The following AARS1 variants were observed in gnomAD, a reference collection of about 807,000 sequenced individuals.
AARS1 encodes alanyl-tRNA synthetase 1.
Under a neutral mutation model 108.9 loss-of-function variants are expected in AARS1, and 72 were observed. The observed-to-expected ratio is 0.66, with a 90% CI of 0.55 to 0.80. The LOEUF is 0.80. AARS1 is among the 30% of genes least tolerant of loss of function. The pLI, the probability that AARS1 is intolerant of heterozygous loss-of-function variation, is 0.00. For missense variants in AARS1, 1,193 were observed against 1,233.2 expected (o/e 0.97, Z 0.49); for synonymous variants, 489 against 465.7 (o/e 1.05, Z -0.64).
At chr16:70,281,935 A>G (rs1960705770) in intron 2 of AARS1, among the ~76,000 whole-genome samples, 1 of 152,050 alleles carries the variant, frequency 6.6e-6, no homozygotes, top group Non-Finnish European at 1.5e-5. Flanking sequence ...ATGGATCACA[A>G]GGTCAGGAGA....
chr16:70,262,093 G>A (rs903848527), intron 12 of AARS1, among the ~76,000 whole-genome samples: 8 of 152,172 alleles, frequency 5.3e-5, no homozygotes, highest in Admixed American at 6.5e-5. Context: ...TCAGAGAGCT[G>A]CCTCTCCTTT....
chr16:70,278,204 C>T (rs1009346266), intron 2 of AARS1, among the ~76,000 whole-genome samples: 2 of 151,854 alleles, frequency 1.3e-5, no homozygotes, highest in African/African-American at 4.8e-5. Flanking sequence ...CATAAGGAGA[C>T]CCCTTCTCTA....
intron 7 of AARS1, among the ~76,000 whole-genome samples, 174 bp from the exon 8 acceptor site, chr16:70,268,553 C>CAAGGTACCCTAGGGT (rs1165314979): frequency 6.6e-6 from 1 of 152,196 alleles, no homozygotes; most frequent in African/African-American, 2.4e-5. Context: ...AACATACCCA[C>CAAGGTACCCTAGGGT]AAATACCCGT....
At position 70,254,051 on chromosome 16, in the gene AARS1, G is replaced by C; in HGVS notation, c.2401-13C>G. ...CAGTGGCCAGGGCCTGGAACCAATA[G>C]ACGACCATCTCAATCTGGGCCACAA... On this transcript the variant is annotated splice_polypyrimidine_tract_variant and intron_variant, in intron 17 of 20. Transcript: ENST00000261772. The C allele has an allele frequency of 6.2e-7, 1 of 1,613,724 alleles. No individual in the cohort carries two copies. The highest frequency in any genetic ancestry group is 8.5e-7 in the Non-Finnish European group (1 of 1,180,026).
intron 14 of AARS1, 102 bp from the exon 15 acceptor site, chr16:70,258,319 C>A: frequency 3.0e-6 from 4 of 1,325,370 alleles, no homozygotes; most frequent in Non-Finnish European, 4.2e-6. Context: ...CGGGTTCCAA[C>A]CTGGCTTGGC....
chr16:70,283,682 A>G (rs1398236655), intron 1 of AARS1, among the ~76,000 whole-genome samples: 1 of 152,206 alleles, frequency 6.6e-6, no homozygotes, highest in African/African-American at 2.4e-5. Context: ...GGCGGCTGTC[A>G]GCAGCAATAG....
At chr16:70,278,897 T>C (rs117108016) in intron 2 of AARS1, among the ~76,000 whole-genome samples, 1 of 152,230 alleles carries the variant, frequency 6.6e-6, no homozygotes, top group East Asian at 1.9e-4. Flanking sequence ...CACTGGCACT[T>C]ACCGACTATG....
At chr16:70,260,571 T>C (rs74024183) in intron 13 of AARS1, among the ~76,000 whole-genome samples, 13,230 of 152,192 alleles carry the variant, frequency 0.087, 1,887 homozygotes, top group African/African-American at 0.3. Context: ...TGGGAACATA[T>C]AGATTAACTC....
In AARS1 at chr16:70,265,031, G is replaced by T; in HGVS notation, c.1419C>A (p.Leu473=). The change falls in exon 11 of 21, where the codon CTC becomes CTA. Residue 473 remains leucine (L), a synonymous_variant. Coordinates refer to ENST00000261772, the MANE Select transcript of AARS1 (RefSeq NM_001605.3). ...CTGTGACCTCCAGACCCCGTGCCCG[G>T]AGCTCTTCGATAGCGTAAATGTCCA... The part of the protein sequence containing the change: ...IMLDIYAIEE[L]RARGLEVTDD... 6.2e-7 allele frequency: 1 copy of T among 1,614,144 alleles called. No individual in the cohort carries two copies. The highest frequency in any genetic ancestry group is 1.1e-5 in the South Asian group (1 of 91,080).
Position 70,255,835 on chromosome 16 carries a change from GC to G in AARS1, c.2178del (p.His727ThrfsTer12). The G allele has an allele frequency of 1.9e-6, 3 of 1,612,544 alleles. No homozygotes were observed. The highest frequency in any genetic ancestry group is 2.5e-6 in the Non-Finnish European group (3 of 1,179,272). ...SLTSVEFCGG[T>X]HLRNSSHAGA... is the part of the protein sequence containing the mutation. The stretch of plus-strand genomic sequence containing the variant: ...CCTGCATGACTCGAGTTCCGCAGGT[GC>G]CTGAATGGCAGAACACAAAGTCCAT... On this transcript the variant is annotated frameshift_variant and splice_region_variant, in exon 16 of 21. Coordinates refer to ENST00000261772, the MANE Select transcript of AARS1 (RefSeq NM_001605.3). LOFTEE classifies it high-confidence loss of function.
chr16:70,255,908 G>A (rs1019086132), intron 15 of AARS1, 72 bp from the exon 16 acceptor site: 45 of 1,386,022 alleles, frequency 3.2e-5, no homozygotes, highest in Non-Finnish European at 4.5e-5. Context: ...CACACTAGCG[G>A]ACAAGAGAAG....
At chr16:70,272,012 A>C (rs1442947488) in intron 4 of AARS1, 40 bp from the exon 5 acceptor site, 2 of 1,595,342 alleles carry the variant, frequency 1.3e-6, no homozygotes, top group Non-Finnish European at 1.7e-6. Context: ...ACAGCCCCTG[A>C]CAAGAGTTCT....
Position 70,267,681 on chromosome 16 carries a change from C to A in AARS1, c.1200G>T (p.Leu400=). The part of the protein sequence containing the change: ...RRILDRKIQS[L]GDSKTIPGDT... ...TACCGGGAATGGTCTTGCTGTCTCC[C>A]AGGCTCTGAATTTTCCTGTCCAGGA... Residue 400 remains leucine (L), a synonymous_variant, in exon 9 of 21, where the codon CTG becomes CTT. Coordinates refer to ENST00000261772, the MANE Select transcript of AARS1 (RefSeq NM_001605.3). 6.2e-7 allele frequency: 1 copy of A among 1,614,174 alleles called. No individual in the cohort carries two copies. The highest frequency in any genetic ancestry group is 1.3e-5 in the African/African-American group (1 of 75,046).
At chr16:70,259,528 G>C (rs1250808543) in intron 13 of AARS1, among the ~76,000 whole-genome samples, 1 of 152,108 alleles carries the variant, frequency 6.6e-6, no homozygotes, top group Non-Finnish European at 1.5e-5. Flanking sequence ...TGTCACCCAG[G>C]ATAGAGTACA....
intron 1 of AARS1, among the ~76,000 whole-genome samples, chr16:70,288,825 C>A (rs532562232): frequency 6.6e-6 from 1 of 152,206 alleles, no homozygotes; most frequent in South Asian, 2.1e-4. Flanking sequence ...CCTCGACCTC[C>A]CAAAGCGCTG....
intron 11 of AARS1, among the ~76,000 whole-genome samples, chr16:70,264,492 T>C (rs1483679706): frequency 3.9e-5 from 6 of 151,974 alleles, no homozygotes; most frequent in African/African-American, 1.4e-4. Flanking sequence ...AATTTCCGTA[T>C]TTTTAGTAGA....
chr16:70,255,193 C>CTTTTTTT lies in AARS1; in HGVS notation c.2287-460_2287-459insAAAAAAA, dbSNP rs1567601605. Among the ~76,000 whole-genome samples, 296 of 124,692 alleles carry CTTTTTTT rather than the reference C, an allele frequency of 2.4e-3. 8 individuals are homozygous for CTTTTTTT. The highest frequency in any genetic ancestry group is 9.1e-3 in the African/African-American group (286 of 31,422). 81.8% of individuals were successfully genotyped at this position (124,692 alleles called of 152,430 possible). Reference sequence around the variant, plus strand: ...AGGAGGGGGTAGATGGCCAGATTCACATTTTTTTTTTTTTTTTTTTTTTGG... The same window carrying CTTTTTTT: ...AGGAGGGGGTAGATGGCCAGATTCACTTTTTTTATTTTTTTTTTTTTTTTTTTTTTGG... On this transcript the variant is annotated intron_variant, in intron 16 of 20. Coordinates refer to ENST00000261772, the MANE Select transcript of AARS1 (RefSeq NM_001605.3).
chr16:70,260,320 G>A (rs890646193), intron 13 of AARS1, among the ~76,000 whole-genome samples: 1 of 152,194 alleles, frequency 6.6e-6, no homozygotes, highest in Admixed American at 6.5e-5. Context: ...AGTGACAGGT[G>A]AGGAGAAACC....
At chr16:70,288,999 A>C (rs1449712232) in intron 1 of AARS1, among the ~76,000 whole-genome samples, 1 of 152,182 alleles carries the variant, frequency 6.6e-6, no homozygotes, top group Non-Finnish European at 1.5e-5. Flanking sequence ...CGAGAAATAC[A>C]AACTGTTTTA....
Sources: allele counts gnomAD v4.1 joint callset (sites outside exome capture counted in the v4.1 genomes callset), GRCh38; gene constraint gnomAD v4.1.1; transcripts MANE v1.5; gene names NCBI Gene and HGNC (gene_info 2026-07-23, HGNC 2026-07-21).